SCGB2B2: variants seen among roughly 807,000 people sequenced by gnomAD.
SCGB2B2 encodes secretoglobin-like protein.
In SCGB2B2, 11 loss-of-function variants were observed where a neutral mutation model predicts 7.6. The ratio of observed to expected loss-of-function variants is 1.45; its 90% CI spans 0.91 to 2.40. The LOEUF (loss-of-function observed/expected upper bound fraction) is 2.40, where lower values mean the gene tolerates loss of function less well. Ranked by LOEUF, SCGB2B2 falls within the 30% of genes most tolerant of loss-of-function variation. The probability of loss-of-function intolerance (pLI) is 0.00; values close to 1 mark genes in which losing one functional copy is unlikely to be tolerated. For synonymous variants in SCGB2B2, 50 were observed against 48.6 expected (o/e 1.03, Z -0.12); for missense variants, 104 against 115.4 (o/e 0.90, Z 0.45).
intron 1 of SCGB2B2, chr19:34,632,604 T>C (rs1945503868): frequency 6.6e-6 from 1 of 152,148 alleles, no homozygotes; most frequent in African/African-American, 2.4e-5. Context: ...ATACCAAGTG[T>C]TGGTGAGGAC....
rs757558439 is a variant in SCGB2B2 at position 34,593,615 on chromosome 19, GAA to G, written c.247-18_247-17del. On this transcript the variant is annotated splice_polypyrimidine_tract_variant and intron_variant, in intron 3 of 3. Coordinates refer to ENST00000601241, the MANE Select transcript of SCGB2B2 (RefSeq NM_001025591.4). ...GGATCTTCTTCTGTTGGAAAAAGAA[GAA>G]AGAGAGGAGCCGGTGGCCTCTGTGA... 3.9e-6 allele frequency: 6 copies of G among 1,550,784 alleles called. No homozygotes were observed. Among genetic ancestry groups the G allele is most frequent in the Middle Eastern group, 1.8e-4 (1 of 5,712 alleles).
chr19:34,588,072 A>C (rs914606684), downstream of SCGB2B2, among the ~76,000 whole-genome samples: 3 of 152,188 alleles, frequency 2.0e-5, no homozygotes, highest in Non-Finnish European at 4.4e-5. Flanking sequence ...TATACTCTTC[A>C]ATTTTCTGGA....
chr19:34,589,566 G>A (rs1188980781), downstream of SCGB2B2, among the ~76,000 whole-genome samples: 1 of 152,210 alleles, frequency 6.6e-6, no homozygotes, highest in Non-Finnish European at 1.5e-5. Context: ...ATGGGTGAGG[G>A]GAGATGAACA....
intron 1 of SCGB2B2, among the ~76,000 whole-genome samples, chr19:34,663,999 C>A (rs1193965393): frequency 7.2e-6 from 1 of 139,306 alleles, no homozygotes; most frequent in South Asian, 2.3e-4. Flanking sequence ...CCATGGGACA[C>A]CTCTGCTAAG....
chr19:34,618,000 G>A (rs529962938), intron 1 of SCGB2B2, among the ~76,000 whole-genome samples: 50 of 152,318 alleles, frequency 3.3e-4, no homozygotes, highest in African/African-American at 1.2e-3. Context: ...CTCGTGCACG[G>A]TGCGTGCACC....
Position 34,608,684 on chromosome 19 carries a change from T to TATATATATATATATATATATAC in SCGB2B2, c.-2031-12091_-2031-12090insGTATATATATATATATATATAT, listed in dbSNP as rs879668084. 3.5e-3 allele frequency: 438 copies of TATATATATATATATATATATAC among 126,240 alleles called. 4 individuals are homozygous for TATATATATATATATATATATAC. Among genetic ancestry groups the TATATATATATATATATATATAC allele is most frequent in the South Asian group, 5.4e-3 (18 of 3,310 alleles). 7.8% of individuals were successfully genotyped at this position (126,240 alleles called of 1,614,324 possible). A position where few individuals can be genotyped will look rare whatever the true frequency, so the allele number is the denominator to read the frequency against. ...GCATATATATATATATATATATATATACCGTATTTTCTTCATCTTTTCACT... is the reference window on the plus strand; with the variant it reads ...GCATATATATATATATATATATATATATATATATATATATATATATACACCGTATTTTCTTCATCTTTTCACT... On this transcript the variant is annotated intron_variant, in intron 1 of 3. Coordinates refer to ENST00000601241, the MANE Select transcript of SCGB2B2 (RefSeq NM_001025591.4).
At chr19:34,615,478 G>C (rs1465175400) in intron 1 of SCGB2B2, among the ~76,000 whole-genome samples, 2 of 150,268 alleles carry the variant, frequency 1.3e-5, no homozygotes. Flanking sequence ...GGCATCCTGA[G>C]TTTCTGTGCT....
chr19:34,641,309 T>A (rs989854096), intron 1 of SCGB2B2, among the ~76,000 whole-genome samples: 3 of 152,166 alleles, frequency 2.0e-5, no homozygotes, highest in Non-Finnish European at 4.4e-5. Flanking sequence ...CACTGAATGG[T>A]CTCCCTTTGG....
At chr19:34,668,578 G>A (rs1268454274) in intron 1 of SCGB2B2, among the ~76,000 whole-genome samples, 3 of 152,250 alleles carry the variant, frequency 2.0e-5, no homozygotes, top group Non-Finnish European at 2.9e-5. Context: ...GCCCCGGTGC[G>A]GGATCCACTG....
intron 1 of SCGB2B2, among the ~76,000 whole-genome samples, chr19:34,617,900 T>C (rs1027217642): frequency 6.6e-6 from 1 of 152,180 alleles, no homozygotes; most frequent in Admixed American, 6.5e-5. Context: ...ATTTTCCAGG[T>C]GCCGTCTGTC....
intron 1 of SCGB2B2, among the ~76,000 whole-genome samples, chr19:34,674,821 T>C (rs1298997803): frequency 6.6e-6 from 1 of 152,190 alleles, no homozygotes; most frequent in Non-Finnish European, 1.5e-5. Context: ...CCAGAAACAT[T>C]ATGCCAAACT....
chr19:34,665,703 G>A (rs11882288), intron 1 of SCGB2B2, among the ~76,000 whole-genome samples: 4,910 of 152,094 alleles, frequency 0.032, 247 homozygotes, highest in African/African-American at 0.11. Flanking sequence ...TGAGTGGCTG[G>A]GCACAGGCAG....
intron 1 of SCGB2B2, among the ~76,000 whole-genome samples, chr19:34,656,241 A>G (rs1439114364): frequency 6.6e-6 from 1 of 151,460 alleles, no homozygotes; most frequent in Non-Finnish European, 1.5e-5. Flanking sequence ...GCCTAAGGGA[A>G]AAAACTGTAT....
chr19:34,652,857 C>T (rs1453785438), intron 1 of SCGB2B2, among the ~76,000 whole-genome samples: 1 of 151,288 alleles, frequency 6.6e-6, no homozygotes, highest in East Asian at 1.9e-4. Flanking sequence ...TTACTGGGTA[C>T]ACATCCAGGC....
intron 1 of SCGB2B2, among the ~76,000 whole-genome samples, chr19:34,639,216 C>T (rs10500273): frequency 0.02 from 2,968 of 152,186 alleles, 43 homozygotes; most frequent in East Asian, 0.065. Flanking sequence ...GGGTTAATGC[C>T]AAAAACTCAA....
intron 1 of SCGB2B2, among the ~76,000 whole-genome samples, chr19:34,597,772 G>C (rs896957154): frequency 1.3e-5 from 2 of 152,172 alleles, no homozygotes; most frequent in Non-Finnish European, 2.9e-5. Context: ...GCAGAGAGCG[G>C]GGCCCAGGGC....
intron 1 of SCGB2B2, among the ~76,000 whole-genome samples, chr19:34,635,901 A>G (rs1032200495): frequency 6.6e-6 from 1 of 152,232 alleles, no homozygotes; most frequent in Admixed American, 6.5e-5. Context: ...CTCTGGTGCT[A>G]GGGGGTGTCT....
intron 1 of SCGB2B2, among the ~76,000 whole-genome samples, chr19:34,630,330 T>C (rs2066493905): frequency 1.3e-5 from 2 of 151,946 alleles, no homozygotes; most frequent in Admixed American, 1.3e-4. Context: ...ACAGGCAACC[T>C]ACAAAATGGG....
At chr19:34,630,557 C>A (rs890791382) in intron 1 of SCGB2B2, among the ~76,000 whole-genome samples, 2 of 151,912 alleles carry the variant, frequency 1.3e-5, no homozygotes, top group Non-Finnish European at 2.9e-5. Context: ...ATCAAAACAA[C>A]AATGAGATAC....
Sources: allele counts gnomAD v4.1 joint callset (sites outside exome capture counted in the v4.1 genomes callset), GRCh38; gene constraint gnomAD v4.1.1; transcripts MANE v1.5; gene names NCBI Gene and HGNC (gene_info 2026-07-23, HGNC 2026-07-21).